OBSL1: variants seen among roughly 807,000 people sequenced by gnomAD.
The protein encoded by OBSL1 is obscurin-like protein 1.
OBSL1 carries 160 observed loss-of-function variants against 172.0 expected under a neutral mutation model. That is an observed-to-expected ratio of 0.93 (90% CI 0.82 to 1.06). OBSL1 has a LOEUF of 1.06. Ranked by LOEUF, OBSL1 falls within the 50% of genes least tolerant of loss-of-function variation. The pLI, the probability that OBSL1 is intolerant of heterozygous loss-of-function variation, is 0.00. For synonymous variants in OBSL1, 1,200 were observed against 1,196.3 expected (o/e 1.00, Z -0.06); for missense variants, 2,681 against 2,715.4 (o/e 0.99, Z 0.28).
rs979869314 is a variant in OBSL1, at chr2:219,563,410, G to A, written c.2625C>T (p.Gly875=). Reference sequence around the variant, plus strand: ...CATCTCCAGCGACGCACTGAAACTCGCCCCCGTCTGAGGGCTGGGTGGCGG... The same window carrying A: ...CATCTCCAGCGACGCACTGAAACTCACCCCCGTCTGAGGGCTGGGTGGCGG... The part of the protein sequence containing the change: ...VLPATQPSDG[G]EFQCVAGDEC... The change falls in exon 7 of 21, where the codon GGC becomes GGT. Residue 875 remains glycine (G), a synonymous_variant. Coordinates refer to ENST00000404537, the MANE Select transcript of OBSL1 (RefSeq NM_015311.3). 5.6e-6 allele frequency: 9 copies of A among 1,610,700 alleles called. No individual in the cohort carries two copies. Among genetic ancestry groups the A allele is most frequent in the Middle Eastern group, 1.7e-4 (1 of 6,040 alleles).
At position 219,570,368 on chromosome 2, in the gene OBSL1, C is replaced by G; in HGVS notation, c.865G>C (p.Asp289His). 1.2e-6 allele frequency: 2 copies of G among 1,612,940 alleles called. No homozygotes were observed. Among genetic ancestry groups the G allele is most frequent in the Non-Finnish European group, 1.7e-6 (2 of 1,179,604 alleles). The change falls in exon 1 of 21, where the codon GAC becomes CAC. Residue 289 changes from aspartate to histidine, a missense_variant. Asp to His is a moderately conservative substitution (Grantham distance 81). Coordinates refer to ENST00000404537, the MANE Select transcript of OBSL1 (RefSeq NM_015311.3). The stretch of plus-strand genomic sequence containing the variant: ...TCGCGGTACATGAGGCGGCGGCGGT[C>G]CGGGAGCAGCGGGCGGCCCTCCCAG... ...WHWEGRPLLP[D>H]RRRLMYRDRD...
In OBSL1 at chr2:219,570,447, G is replaced by A. The variant is rs776844222; in HGVS notation, c.786C>T (p.His262=). Residue 262 remains histidine, a synonymous_variant, in exon 1 of 21, where the codon CAC becomes CAT. Coordinates refer to ENST00000404537, the MANE Select transcript of OBSL1 (RefSeq NM_015311.3). The part of the protein sequence containing the change: ...PKTFWVNEGK[H]AKFRCYVMGK... ...CCATCACGTAGCAGCGGAACTTGGC[G>A]TGCTTGCCCTCGTTCACCCAGAAGG... is the stretch of plus-strand genomic sequence containing the variant. The A allele has an allele frequency of 1.2e-6, 2 of 1,613,084 alleles. No individual in the cohort carries two copies. The highest frequency in any genetic ancestry group is 1.7e-6 in the Non-Finnish European group (2 of 1,179,588).
rs745579393 is a variant in OBSL1 at position 219,552,554 on chromosome 2, CGCGGGCTCCGGGTCTCAGCGG to C, written c.5269_5289del (p.Pro1757_Arg1763del). The C allele has an allele frequency of 6.3e-7, 1 of 1,596,336 alleles. No individual in the cohort carries two copies. The highest frequency in any genetic ancestry group is 1.3e-5 in the African/African-American group (1 of 74,886). On this transcript the variant is annotated inframe_deletion, in exon 18 of 21. Transcript: ENST00000404537. ...GGCAGACCTTCCTGTCGGATGCGGA[CGCGGGCTCCGGGTCTCAGCGG>C]GCGGCCTCCGAGCTCCCAGCGCCCC...
At chr2:219,553,050 G>T (rs1333378981) in intron 16 of OBSL1, 26 bp from the exon 17 acceptor site, 13 of 1,461,530 alleles carry the variant, frequency 8.9e-6, no homozygotes, top group Non-Finnish European at 1.2e-5. Context: ...GCAGAGGGTC[G>T]GGGCGAGCCC....
Position 219,559,451 on chromosome 2 carries a change from G to A in OBSL1, c.3000C>T (p.Ile1000=). ...GCACCACACACTCCAAGGTCACGGC[G>A]ATCAAGGTCACCTCATCGCGAGGGT... The part of the protein sequence containing the change: ...IIYPRDEVTL[I]AVTLECVVLM... The change falls in exon 9 of 21, where the codon ATC becomes ATT. Residue 1000 remains isoleucine (I), a synonymous_variant. Transcript: ENST00000404537. The A allele has an allele frequency of 6.2e-7, 1 of 1,613,546 alleles. No homozygotes were observed. Among genetic ancestry groups the A allele is most frequent in the Non-Finnish European group, 8.5e-7 (1 of 1,179,708 alleles).
At position 219,568,870 on chromosome 2, in the gene OBSL1, A is replaced by C. The variant is rs1342390462; in HGVS notation, c.1013-546T>G. Among the ~76,000 whole-genome samples the C allele has an allele frequency of 6.6e-6, 1 of 151,598 alleles. No homozygotes were observed. The highest frequency in any genetic ancestry group is 2.4e-5 in the African/African-American group (1 of 41,250). On this transcript the variant is annotated intron_variant, in intron 1 of 20. Transcript: ENST00000404537. The surrounding 1 kb of genome is among the most constrained non-coding windows in gnomAD (Gnocchi z 4.1). ...AGCAATTCTGGTGCCTCAGCCTCTC[A>C]AGTAGAGCTGGGATTACAGGCAGGC...
Position 219,570,914 on chromosome 2 carries a change from A to G in OBSL1, c.319T>C (p.Ser107Pro). The G allele has an allele frequency of 2.1e-5, 28 of 1,306,508 alleles. No individual in the cohort carries two copies. Among genetic ancestry groups the G allele is most frequent in the Non-Finnish European group, 2.7e-5 (28 of 1,036,508 alleles). The allele number at this position is 1,306,508 out of a possible 1,614,324, so 80.9% of individuals were successfully genotyped here. A position where few individuals can be genotyped will look rare whatever the true frequency, so the allele number is the denominator to read the frequency against. Reference protein sequence around the residue: ...AAVTVLEPPASDPELQPAERP... With the variant: ...AAVTVLEPPAPDPELQPAERP... Reference sequence around the variant, plus strand: ...TCGGCGGGCTGCAGCTCGGGGTCGGAGGCCGGCGGCTCCAGCACGGTGACG... The same window carrying G: ...TCGGCGGGCTGCAGCTCGGGGTCGGGGGCCGGCGGCTCCAGCACGGTGACG... The change falls in exon 1 of 21, where the codon TCC becomes CCC. Residue 107 changes from serine to proline, a missense_variant. Physicochemically the swap from Ser to Pro is moderately conservative, Grantham distance 74. Coordinates refer to ENST00000404537, the MANE Select transcript of OBSL1 (RefSeq NM_015311.3).
intron 17 of OBSL1, 54 bp downstream of exon 17, chr2:219,552,814 C>G: frequency 1.3e-6 from 2 of 1,534,420 alleles, no homozygotes; most frequent in South Asian, 1.2e-5. Context: ...GAAGACAGCT[C>G]CGCAAGTCTC....
chr2:219,549,492 GC>G, downstream of OBSL1: 2 of 1,272,982 alleles, frequency 1.6e-6, no homozygotes, highest in Non-Finnish European at 2.1e-6. Flanking sequence ...ATGCATCGGA[GC>G]CCATGCACCA....
At position 219,551,606 on chromosome 2, in the gene OBSL1, T is replaced by C. The variant is rs750849270; in HGVS notation, c.5606A>G (p.Asp1869Gly). ...AGTGCCTTGGTCCTCAGGTCGAACG[T>C]CATGGATGACCAGGCTGTGGGTGGG... The part of the protein sequence containing the change: ...HGPTHSLVIH[D>G]VRPEDQGTYC... Residue 1869 changes from aspartate to glycine, a missense_variant, in exon 20 of 21, where the codon GAC (aspartate) becomes GGC (glycine). Asp to Gly is a moderately conservative substitution (Grantham distance 94). Coordinates refer to ENST00000404537, the MANE Select transcript of OBSL1 (RefSeq NM_015311.3). The C allele has an allele frequency of 6.2e-7, 1 of 1,611,242 alleles. No individual in the cohort carries two copies. Among genetic ancestry groups the C allele is most frequent in the Non-Finnish European group, 8.5e-7 (1 of 1,178,898 alleles).
chr2:219,555,790 CCG>C, intron 14 of OBSL1: 1 of 1,383,108 alleles, frequency 7.2e-7, no homozygotes, highest in Non-Finnish European at 9.3e-7. Context: ...TATAGCAAAG[CCG>C]ACTTGGAAAT....
At chr2:219,556,847 T>A in intron 12 of OBSL1, 124 bp from the exon 13 acceptor site, 1 of 1,061,070 alleles carries the variant, frequency 9.4e-7, no homozygotes, top group Non-Finnish European at 1.3e-6. Flanking sequence ...GGACCTACTA[T>A]GTATCGACCA....
In OBSL1 at chr2:219,556,201, A is replaced by G. The variant is rs1241049482; in HGVS notation, c.4428T>C (p.Gly1476=). ...GCACCCAGCGCACGGCCCCCGCTGC[A>G]CCCACTCGGCCTGTCTCCACTTCGA... ...VCLEVETGRV[G]AAGAVRWVRG... is the part of the protein sequence containing the mutation. Residue 1476 remains glycine, a synonymous_variant, in exon 14 of 21, where the codon GGT becomes GGC. Transcript: ENST00000404537. The G allele has an allele frequency of 9.9e-6, 16 of 1,611,694 alleles. No homozygotes were observed. The highest frequency in any genetic ancestry group is 1.3e-5 in the African/African-American group (1 of 74,864).
chr2:219,560,927 C>A (rs1319401455), intron 8 of OBSL1, among the ~76,000 whole-genome samples: 1 of 152,244 alleles, frequency 6.6e-6, no homozygotes, highest in East Asian at 1.9e-4. Context: ...AGACTTGATT[C>A]GCTCTGGCCT....
chr2:219,547,874 A>T, downstream of OBSL1: 1 of 1,591,786 alleles, frequency 6.3e-7, no homozygotes, highest in Non-Finnish European at 8.5e-7. Flanking sequence ...CACCGCCGTG[A>T]CTGGTGCTGC....
chr2:219,552,494 C>T, intron 18 of OBSL1, 42 bp downstream of exon 18: 1 of 1,554,818 alleles, frequency 6.4e-7, no homozygotes, highest in Non-Finnish European at 8.7e-7. Flanking sequence ...CGAGCCTGGG[C>T]GGGGCAGCGA....
chr2:219,563,049 GACC>G (rs1166915560), intron 7 of OBSL1: 1 of 479,456 alleles, frequency 2.1e-6, no homozygotes, highest in Non-Finnish European at 3.7e-6. Context: ...TAGTGCCTGA[GACC>G]ACCAGCCCTA....
intron 19 of OBSL1, 107 bp downstream of exon 19, chr2:219,552,005 G>T (rs908283628): frequency 4.2e-6 from 5 of 1,182,186 alleles, no homozygotes; most frequent in Non-Finnish European, 6.1e-6. Context: ...CCCTCGGGGG[G>T]AAGGGAAGAG....
Position 219,563,344 on chromosome 2 carries a change from T to C in OBSL1, c.2680+11A>G, listed in dbSNP as rs771311732. 1.9e-6 allele frequency: 3 copies of C among 1,552,004 alleles called. No individual in the cohort carries two copies. The highest frequency in any genetic ancestry group is 2.6e-6 in the Non-Finnish European group (3 of 1,144,870). ...TTCCCCTGTGCCTCCGAGGCCCACCTGGCCCCCCACCTGTGATGGTGACAG... is the reference window on the plus strand; with the variant it reads ...TTCCCCTGTGCCTCCGAGGCCCACCCGGCCCCCCACCTGTGATGGTGACAG... On this transcript the variant is annotated intron_variant, in intron 7 of 20. Transcript: ENST00000404537.
Sources: gnomAD v4.1 joint callset for allele counts (sites outside exome capture counted in the v4.1 genomes callset) on GRCh38, gnomAD v4.1.1 for gene constraint, Gnocchi (gnomAD v3.1) non-coding constraint, MANE v1.5 for transcripts, NCBI Gene and HGNC (gene_info 2026-07-23, HGNC 2026-07-21) for gene names.